The following COL25A1 variants were observed in gnomAD, a reference collection of about 807,000 sequenced individuals.
The protein encoded by COL25A1 is collagen type XXV alpha 1 chain, also known as collagen alpha-1(XXV) chain.
COL25A1 carries 103 observed loss-of-function variants against 128.4 expected under a neutral mutation model. That is an observed-to-expected ratio of 0.80 (90% CI 0.68 to 0.94). The LOEUF is 0.94. Ranked by LOEUF, COL25A1 falls within the 40% of genes least tolerant of loss-of-function variation. COL25A1 has a pLI of 0.00. For missense variants in COL25A1, 745 were observed against 840.0 expected (o/e 0.89, Z 1.40); for synonymous variants, 279 against 277.2 (o/e 1.01, Z -0.06).
intron 3 of COL25A1, among the ~76,000 whole-genome samples, chr4:109,089,852 G>A (rs1406347096): frequency 6.6e-6 from 1 of 151,940 alleles, no homozygotes; most frequent in African/African-American, 2.4e-5. Flanking sequence ...CAATCTGCCT[G>A]ACTCGGCTTC....
At chr4:109,218,451 T>C (rs1301985027) in intron 3 of COL25A1, among the ~76,000 whole-genome samples, 1 of 142,556 alleles carries the variant, frequency 7.0e-6, no homozygotes, top group African/African-American at 2.6e-5. Context: ...TTAAACTCTA[T>C]CCAAACCCAG....
intron 13 of COL25A1, among the ~76,000 whole-genome samples, chr4:108,916,730 A>G (rs1174618954): frequency 7.9e-5 from 12 of 152,150 alleles, no homozygotes; most frequent in Non-Finnish European, 4.4e-5. Context: ...ATGATCTGCA[A>G]TATTCTAAAC....
chr4:109,199,884 A>G (rs551169618), intron 3 of COL25A1, among the ~76,000 whole-genome samples: 1 of 152,328 alleles, frequency 6.6e-6, no homozygotes, highest in East Asian at 1.9e-4. Flanking sequence ...GTACTAGAGT[A>G]AGAATAAACT....
At chr4:108,903,599 GATTA>G (rs891579221) in intron 13 of COL25A1, among the ~76,000 whole-genome samples, 3 of 151,880 alleles carry the variant, frequency 2.0e-5, no homozygotes, top group African/African-American at 7.3e-5. Flanking sequence ...ATTTAATTAT[GATTA>G]ATTATCTAAA....
At chr4:109,276,632 T>C (rs1352075676) in intron 3 of COL25A1, among the ~76,000 whole-genome samples, 1 of 152,104 alleles carries the variant, frequency 6.6e-6, no homozygotes, top group African/African-American at 2.4e-5. Flanking sequence ...TTCAGGGTTT[T>C]AGCGGCTGGT....
intron 3 of COL25A1, among the ~76,000 whole-genome samples, chr4:109,093,469 A>AC (rs1765124528): frequency 7.3e-6 from 1 of 137,552 alleles, no homozygotes; most frequent in Non-Finnish European, 1.5e-5. Context: ...AAAAAAAAAA[A>AC]AAAAAAACCT....
intron 3 of COL25A1, among the ~76,000 whole-genome samples, chr4:109,277,145 G>GAACA (rs1560970125): frequency 1.3e-5 from 2 of 152,092 alleles, no homozygotes; most frequent in Non-Finnish European, 2.9e-5. Flanking sequence ...TTTGCTCCAG[G>GAACA]AACAATATTG....
chr4:109,239,759 G>A (rs1315354517), intron 3 of COL25A1, among the ~76,000 whole-genome samples: 1 of 151,844 alleles, frequency 6.6e-6, no homozygotes, highest in Non-Finnish European at 1.5e-5. Flanking sequence ...AATAAATTAA[G>A]CTTAGCTATT....
chr4:109,080,345 TATA>T (rs1763731699), intron 3 of COL25A1, among the ~76,000 whole-genome samples: 2 of 152,070 alleles, frequency 1.3e-5, no homozygotes, highest in Admixed American at 6.6e-5. Context: ...ATTTTAAAAA[TATA>T]ATAATAATAA....
chr4:109,017,274 T>A (rs2126058120), intron 5 of COL25A1, among the ~76,000 whole-genome samples: 2 of 152,318 alleles, frequency 1.3e-5, no homozygotes, highest in Middle Eastern at 6.8e-3. Context: ...CTGGGCTCAC[T>A]CACACACCCC....
Position 109,098,563 on chromosome 4 carries a change from T to C in COL25A1, c.368-48384A>G, listed in dbSNP as rs561870365. Among the ~76,000 whole-genome samples the C allele has an allele frequency of 8.5e-5, 13 of 152,352 alleles. No individual in the cohort carries two copies. The South Asian group carries it at 2.7e-3, about 32-fold the overall frequency. ...TCAATATTATGCATCATTTTCACTC[T>C]CTGGATGATAATTAAATCTTCTTAT... On this transcript the variant is annotated intron_variant, in intron 3 of 37. Coordinates refer to ENST00000399132, the MANE Select transcript of COL25A1 (RefSeq NM_198721.4).
In COL25A1 at chr4:108,824,242, G is replaced by A. The variant is rs1256808142; in HGVS notation, c.1792-15C>T. Reference sequence around the variant, plus strand: ...CCAGGGAAGCCCTGTAAGATAAAAAGCAAACCAAAAAGATCTATTGGTGTA... The same window carrying A: ...CCAGGGAAGCCCTGTAAGATAAAAAACAAACCAAAAAGATCTATTGGTGTA... On this transcript the variant is annotated splice_polypyrimidine_tract_variant and intron_variant, in intron 34 of 37. Transcript: ENST00000399132. 1.9e-6 allele frequency: 3 copies of A among 1,583,710 alleles called. No homozygotes were observed. Among genetic ancestry groups the A allele is most frequent in the Admixed American group, 1.8e-5 (1 of 55,610 alleles).
At chr4:109,081,364 T>G (rs6858316) in intron 3 of COL25A1, among the ~76,000 whole-genome samples, 16,309 of 152,146 alleles carry the variant, frequency 0.11, 1,075 homozygotes, top group African/African-American at 0.18. Context: ...TTAATTCCAG[T>G]TGCTTTCATT....
intron 13 of COL25A1, among the ~76,000 whole-genome samples, chr4:108,908,339 C>T (rs1238368448): frequency 6.6e-6 from 1 of 152,152 alleles, no homozygotes; most frequent in East Asian, 1.9e-4. Context: ...CTCCCTCTTC[C>T]ACCTCACTGT....
chr4:109,182,770 T>C (rs1774781922), intron 3 of COL25A1, among the ~76,000 whole-genome samples: 1 of 152,078 alleles, frequency 6.6e-6, no homozygotes, highest in Admixed American at 6.6e-5. Context: ...CACAAGACCA[T>C]TAGAATTAGA....
Position 108,859,666 on chromosome 4 carries a change from T to C in COL25A1, c.1310A>G (p.Glu437Gly). Reference sequence around the variant, plus strand: ...GGACCAGTCACTTGCCTGTAAGGCTTCGTGGAGGTTGCCGTTGTAGTCTAT... The same window carrying C: ...GGACCAGTCACTTGCCTGTAAGGCTCCGTGGAGGTTGCCGTTGTAGTCTAT... ...EIIDYNGNLH[E>G]ALQRITTLTV... The change falls in exon 24 of 38, where the codon GAA becomes GGA. Residue 437 changes from glutamate to glycine, a missense_variant. Physicochemically the swap from Glu to Gly is moderately conservative, Grantham distance 98 (BLOSUM62 -2). Around this residue, in one of 3 missense-constraint regions of COL25A1, gnomAD observed 387 missense variants for 441.9 expected, o/e 0.88. Coordinates refer to ENST00000399132, the MANE Select transcript of COL25A1 (RefSeq NM_198721.4). 3 of 1,613,714 alleles carry C rather than the reference T, an allele frequency of 1.9e-6. No homozygotes were observed. The highest frequency in any genetic ancestry group is 2.5e-6 in the Non-Finnish European group (3 of 1,179,852).
chr4:108,966,954 A>G (rs1751377432), intron 8 of COL25A1, among the ~76,000 whole-genome samples: 1 of 149,748 alleles, frequency 6.7e-6, no homozygotes, highest in Admixed American at 6.7e-5. Flanking sequence ...GGAAAGAAAG[A>G]AAAAGAAAGA....
intron 6 of COL25A1, among the ~76,000 whole-genome samples, chr4:109,009,130 CAAAA>C (rs1011479908): frequency 2.0e-5 from 3 of 152,076 alleles, no homozygotes; most frequent in Non-Finnish European, 4.4e-5. Context: ...TCAGAAAAAA[CAAAA>C]CAAAACAAAA....
chr4:109,087,261 C>T (rs755535740), intron 3 of COL25A1, among the ~76,000 whole-genome samples: 13 of 151,616 alleles, frequency 8.6e-5, no homozygotes, highest in Non-Finnish European at 1.9e-4. Context: ...AAAATCAAAA[C>T]CAAAAAACTC....
Sources: gnomAD v4.1 joint callset for allele counts (sites outside exome capture counted in the v4.1 genomes callset) on GRCh38, gnomAD v4.1.1 for gene constraint, gnomAD v4.1.1 regional missense constraint, MANE v1.5 for transcripts, NCBI Gene and HGNC (gene_info 2026-07-23, HGNC 2026-07-21) for gene names.